The following NXN variants were observed in gnomAD, a reference collection of about 807,000 sequenced individuals.
NXN encodes nucleoredoxin 1.
NXN carries 16 observed loss-of-function variants against 48.6 expected under a neutral mutation model. The ratio of observed to expected loss-of-function variants is 0.33; its 90% CI spans 0.22 to 0.50. NXN has a LOEUF of 0.50. Among genes scored for constraint, NXN ranks in the 20% least tolerant of loss-of-function variants. The pLI, the probability that NXN is intolerant of heterozygous loss-of-function variation, is 0.98. For missense variants in NXN, 492 were observed against 605.5 expected, an observed-to-expected ratio of 0.81 and a Z score of 1.97; for synonymous variants, 281 against 269.6, an observed-to-expected ratio of 1.04 and a Z score of -0.41.
intron 1 of NXN, among the ~76,000 whole-genome samples, chr17:874,394 G>A (rs2068192308): frequency 6.6e-6 from 1 of 152,154 alleles, no homozygotes; most frequent in Non-Finnish European, 1.5e-5. Flanking sequence ...GACCAGCCTG[G>A]CCAAAATGGT....
intron 1 of NXN, among the ~76,000 whole-genome samples, chr17:835,135 T>A (rs11652252): frequency 1.1e-4 from 16 of 150,942 alleles, no homozygotes; most frequent in Admixed American, 5.3e-4. Context: ...GGTGAAACCC[T>A]GTCTCTACTA....
At chr17:861,869 G>A (rs966923682) in intron 1 of NXN, among the ~76,000 whole-genome samples, 5 of 150,356 alleles carry the variant, frequency 3.3e-5, no homozygotes, top group African/African-American at 9.8e-5. Flanking sequence ...TTGCTCTGTC[G>A]CCCAGGCTGG....
chr17:808,395 C>T lies in NXN; in HGVS notation c.821-3148G>A, dbSNP rs190856255. Among the ~76,000 whole-genome samples the T allele has an allele frequency of 2.2e-3, 330 of 151,730 alleles. 4 individuals are homozygous for T. Among genetic ancestry groups the T allele is most frequent in the Non-Finnish European group, 1.8e-3 (121 of 67,902 alleles). On this transcript the variant is annotated intron_variant, in intron 5 of 7. Transcript: ENST00000336868. ...TCGGCTCACTGCAAGCTCCACCTCCCGGGTTCAAGCGATTCTCCTGCCTCA... is the reference window on the plus strand; with the variant it reads ...TCGGCTCACTGCAAGCTCCACCTCCTGGGTTCAAGCGATTCTCCTGCCTCA...
rs144197560 is a variant in NXN, at chr17:912,811, G to A, written c.360+66508C>T. On this transcript the variant is annotated intron_variant, in intron 1 of 7. Coordinates refer to ENST00000336868, the MANE Select transcript of NXN (RefSeq NM_022463.5). ...CTACTAAAAATACGAAAAATTAGCC[G>A]GGCGTGGTGGTACGTGTCTGTAATC... 2.8e-3 allele frequency among the ~76,000 whole-genome samples: 419 copies of A among 152,066 alleles called. 2 individuals are homozygous for A. The highest frequency in any genetic ancestry group is 4.6e-3 in the Non-Finnish European group (313 of 68,002).
chr17:886,187 C>T, intron 1 of NXN, among the ~76,000 whole-genome samples: 1 of 152,056 alleles, frequency 6.6e-6, no homozygotes, highest in African/African-American at 2.4e-5. Context: ...GCTCCCAGGT[C>T]CCCAGTGTTA....
chr17:947,903 T>A (rs1406914805), intron 1 of NXN, among the ~76,000 whole-genome samples: 2 of 72,010 alleles, frequency 2.8e-5, no homozygotes, highest in Non-Finnish European at 4.4e-5. Flanking sequence ...AAAAAAAAAT[T>A]AGCTGGATGT....
In NXN at chr17:823,635, A is replaced by G. The variant is rs1381510142; in HGVS notation, c.609T>C (p.His203=). 8.1e-6 allele frequency: 13 copies of G among 1,613,950 alleles called. No homozygotes were observed. The highest frequency in any genetic ancestry group is 1.1e-5 in the Non-Finnish European group (13 of 1,179,938). ...CAAAGGGGGTCCAAACACTCACCCA[A>G]TGTGCGGAGAAATAGACGCCCACGT... is the stretch of plus-strand genomic sequence containing the variant. The part of the protein sequence containing the change: ...GSHVGVYFSA[H]WCPPCRSLTR... The change falls in exon 3 of 8, where the codon CAT becomes CAC. Residue 203 remains histidine, a synonymous_variant. Transcript: ENST00000336868.
At chr17:954,223 C>CA (rs1452948176) in intron 1 of NXN, among the ~76,000 whole-genome samples, 1 of 151,730 alleles carries the variant, frequency 6.6e-6, no homozygotes. Context: ...ACTAAAAATA[C>CA]AAAAAAACTT....
Position 912,872 on chromosome 17 carries a change from T to C in NXN, c.360+66447A>G, listed in dbSNP as rs372761061. On this transcript the variant is annotated intron_variant, in intron 1 of 7. Transcript: ENST00000336868. ...GGGAGGCTGAGGCAGGAGAATCGCTTGAACCCGGGAGATGGAGCTTGCAGT... is the reference window on the plus strand; with the variant it reads ...GGGAGGCTGAGGCAGGAGAATCGCTCGAACCCGGGAGATGGAGCTTGCAGT... Among the ~76,000 whole-genome samples the C allele has an allele frequency of 7.2e-5, 11 of 152,122 alleles. No individual in the cohort carries two copies. In the South Asian group the frequency reaches 2.3e-3, roughly 32 times the overall value.
intron 1 of NXN, among the ~76,000 whole-genome samples, chr17:954,701 C>A (rs952985450): frequency 2.2e-4 from 34 of 152,198 alleles, no homozygotes; most frequent in African/African-American, 8.2e-4. Flanking sequence ...CGGACGGGCC[C>A]CAGGATCACG....
At chr17:833,933 C>T (rs1913640017) in intron 1 of NXN, among the ~76,000 whole-genome samples, 1 of 152,224 alleles carries the variant, frequency 6.6e-6, no homozygotes, top group African/African-American at 2.4e-5. Context: ...CCCACTGTCG[C>T]TGTGTTCCTA....
chr17:868,515 G>A (rs112435631), intron 1 of NXN, among the ~76,000 whole-genome samples: 1,846 of 151,586 alleles, frequency 0.012, 34 homozygotes, highest in African/African-American at 0.042. Context: ...TTTTTGAGAC[G>A]GAGTCTCGCT....
chr17:850,470 G>A (rs1052453598), intron 1 of NXN, among the ~76,000 whole-genome samples: 5 of 152,244 alleles, frequency 3.3e-5, no homozygotes, highest in Admixed American at 6.5e-5. Context: ...GCTCCGACCT[G>A]TGGGTCCAAG....
chr17:832,228 A>G (rs1004011178), intron 1 of NXN, among the ~76,000 whole-genome samples: 2 of 151,854 alleles, frequency 1.3e-5, no homozygotes, highest in Non-Finnish European at 2.9e-5. Flanking sequence ...CCCAGGCTGG[A>G]GTGCAGTGGC....
intron 1 of NXN, among the ~76,000 whole-genome samples, chr17:926,216 C>T (rs2068796727): frequency 1.3e-5 from 2 of 152,148 alleles, no homozygotes; most frequent in Admixed American, 1.3e-4. Context: ...AGACGGATCT[C>T]ACTCTGTCAC....
chr17:972,928 G>A (rs1003067218), intron 1 of NXN, among the ~76,000 whole-genome samples: 1 of 152,086 alleles, frequency 6.6e-6, no homozygotes, highest in African/African-American at 2.4e-5. Flanking sequence ...CTACTCGGGA[G>A]GCTGAGGCAG....
At position 920,642 on chromosome 17, in the gene NXN, G is replaced by A. The variant is rs868439867; in HGVS notation, c.360+58677C>T. Among the ~76,000 whole-genome samples, 28 of 151,850 alleles carry A rather than the reference G, an allele frequency of 1.8e-4. 1 individual carries two copies. Among genetic ancestry groups the A allele is most frequent in the African/African-American group, 5.6e-4 (23 of 41,322 alleles). ...TACCCTCACTGGCAGCACCCAGGAC[G>A]TTCTCAATGAGGTCTTCATTCATAC... On this transcript the variant is annotated intron_variant, in intron 1 of 7. Coordinates refer to ENST00000336868, the MANE Select transcript of NXN (RefSeq NM_022463.5). This position sits in a 1 kb window ranked among gnomAD's most constrained non-coding sequence, Gnocchi z 4.6.
At chr17:841,487 C>CGACCA (rs1914241685) in intron 1 of NXN, among the ~76,000 whole-genome samples, 1 of 76,628 alleles carries the variant, frequency 1.3e-5, no homozygotes, top group Non-Finnish European at 2.6e-5. Context: ...CAGGTCCCCC[C>CGACCA]TGACCACGGC....
chr17:842,943 AAAAG>A (rs1384389667), intron 1 of NXN, among the ~76,000 whole-genome samples: 2 of 151,104 alleles, frequency 1.3e-5, no homozygotes, highest in Admixed American at 6.6e-5. Context: ...CCGTCTCAAA[AAAAG>A]AAAGGAAAGA....
Sources: allele counts gnomAD v4.1 joint callset (sites outside exome capture counted in the v4.1 genomes callset), GRCh38; gene constraint gnomAD v4.1.1; non-coding constraint Gnocchi (gnomAD v3.1); transcripts MANE v1.5; gene names NCBI Gene and HGNC (gene_info 2026-07-23, HGNC 2026-07-21).